The following ZFTRAF1 variants were observed in gnomAD, a reference collection of about 807,000 sequenced individuals.
ZFTRAF1 encodes zinc finger TRAF-type-containing protein 1.
chr8:144,462,007 C>T, the ZFTRAF1 span, among the ~76,000 whole-genome samples: 4 of 152,002 alleles, frequency 2.6e-5, no homozygotes, highest in Admixed American at 6.6e-5. Flanking sequence ...GAGAGGTAAG[C>T]GGAAGACAAG....
chr8:144,452,202 G>A, the ZFTRAF1 span: 9 of 848,124 alleles, frequency 1.1e-5, no homozygotes, highest in African/African-American at 1.7e-5. Context: ...CTGTCTTCTC[G>A]ACCGAGGTGT....
chr8:144,452,266 C>T, the ZFTRAF1 span: 2 of 1,376,526 alleles, frequency 1.5e-6, no homozygotes, highest in Non-Finnish European at 2.0e-6. Flanking sequence ...GCTGTCAGTG[C>T]CCAGTGCCCA....
chr8:144,453,825 C>T, the ZFTRAF1 span: 1 of 222,566 alleles, frequency 4.5e-6, no homozygotes, highest in Non-Finnish European at 9.1e-6. Flanking sequence ...GTTTGGGAGC[C>T]CTCCAGGAAC....
the ZFTRAF1 span, chr8:144,453,753 G>C: frequency 2.8e-6 from 1 of 354,758 alleles, no homozygotes; most frequent in African/African-American, 2.1e-5. Context: ...GCCACCTGGG[G>C]CCGAGGGTCA....
At chr8:144,453,547 G>T in the ZFTRAF1 span, 1 of 1,228,268 alleles carries the variant, frequency 8.1e-7, no homozygotes, top group Non-Finnish European at 1.1e-6. Context: ...CTCCAGCCAG[G>T]TGTCCTGAGG....
At chr8:144,461,102 G>A in the ZFTRAF1 span, among the ~76,000 whole-genome samples, 3 of 152,186 alleles carry the variant, frequency 2.0e-5, no homozygotes, top group Non-Finnish European at 1.5e-5. Context: ...CCCCACCCAG[G>A]CACACTGGGG....
the ZFTRAF1 span, chr8:144,450,077 G>C: frequency 2.4e-6 from 1 of 413,694 alleles, no homozygotes; most frequent in South Asian, 2.7e-5. Flanking sequence ...GGGTCGCTGT[G>C]CCTCTCGGCC....
At chr8:144,459,225 G>A in the ZFTRAF1 span, among the ~76,000 whole-genome samples, 2 of 152,366 alleles carry the variant, frequency 1.3e-5, no homozygotes, top group South Asian at 4.1e-4. Context: ...GGGCCGCAGA[G>A]CAGGGAGCCG....
the ZFTRAF1 span, chr8:144,454,815 G>C: frequency 6.6e-6 from 1 of 152,320 alleles, no homozygotes; most frequent in African/African-American, 2.4e-5. Context: ...CCATCCTACT[G>C]CTTCAGCTGC....
chr8:144,460,913 G>C, the ZFTRAF1 span, among the ~76,000 whole-genome samples: 1 of 152,186 alleles, frequency 6.6e-6, no homozygotes, highest in Non-Finnish European at 1.5e-5. Flanking sequence ...CCGCCTGGGA[G>C]GATCGAAGGT....
At chr8:144,452,105 G>A in the ZFTRAF1 span, 30 of 543,982 alleles carry the variant, frequency 5.5e-5, no homozygotes, top group African/African-American at 9.5e-5. Context: ...CCAGGGTGGC[G>A]AGGACAGGTG....
At chr8:144,462,092 G>A in the ZFTRAF1 span, among the ~76,000 whole-genome samples, 61,076 of 152,042 alleles carry the variant, frequency 0.4, 13,601 homozygotes, top group South Asian at 0.57. Context: ...AGCCCTGAGA[G>A]AAAGACAACG....
At chr8:144,451,869 C>T in the ZFTRAF1 span, 24 of 223,476 alleles carry the variant, frequency 1.1e-4, no homozygotes, top group Non-Finnish European at 1.9e-4. Context: ...GTTGTGGAGC[C>T]CTCTCCCTGA....
the ZFTRAF1 span, among the ~76,000 whole-genome samples, chr8:144,460,449 G>C: frequency 6.6e-6 from 1 of 152,206 alleles, no homozygotes; most frequent in Non-Finnish European, 1.5e-5. Context: ...GTGCACCAGG[G>C]ACCAGTACCA....
chr8:144,456,300 C>T, the ZFTRAF1 span: 5 of 152,666 alleles, frequency 3.3e-5, no homozygotes, highest in Admixed American at 3.3e-4. Flanking sequence ...TCCGGAGCCT[C>T]CCCACCATCT....
chr8:144,453,196 A>G, the ZFTRAF1 span: 1 of 1,544,456 alleles, frequency 6.5e-7, no homozygotes, highest in Non-Finnish European at 8.8e-7. Flanking sequence ...CCCGCCTGTA[A>G]GGCTAAGCCC....
At chr8:144,453,521 C>T in the ZFTRAF1 span, 21 of 1,418,660 alleles carry the variant, frequency 1.5e-5, no homozygotes, top group South Asian at 8.0e-5. Flanking sequence ...CGCACACACC[C>T]GCCCATGCCC....
At chr8:144,462,446 G>A in the ZFTRAF1 span, 33 of 250,040 alleles carry the variant, frequency 1.3e-4, no homozygotes, top group Admixed American at 1.3e-3. Context: ...GGGGTCGCCG[G>A]CCGCCTCCTG....
At chr8:144,453,482 C>A in the ZFTRAF1 span, 1 of 1,538,344 alleles carries the variant, frequency 6.5e-7, no homozygotes, top group African/African-American at 1.4e-5. Context: ...GAAAGGGAGA[C>A]GAAGCTCACA....
Sources: gnomAD v4.1 joint callset for allele counts (sites outside exome capture counted in the v4.1 genomes callset) on GRCh38, gnomAD v4.1.1 for gene constraint, MANE v1.5 for transcripts, NCBI Gene and HGNC (gene_info 2026-07-23, HGNC 2026-07-21) for gene names.